The following USP11 variants were observed in gnomAD, a reference collection of about 807,000 sequenced individuals.
USP11 encodes the protein ubiquitin carboxyl-terminal hydrolase 11.
USP11 carries 5 observed loss-of-function variants against 72.8 expected under a neutral mutation model. The observed-to-expected ratio is 0.07, with a 90% CI of 0.04 to 0.14. The LOEUF (loss-of-function observed/expected upper bound fraction) is 0.14. Ranked by LOEUF, USP11 falls within the 10% of genes least tolerant of loss-of-function variation. The probability of loss-of-function intolerance (pLI) is 1.00; values close to 1 mark genes in which losing one functional copy is unlikely to be tolerated. For missense variants in USP11, 480 were observed against 794.7 expected, an observed-to-expected ratio of 0.60 and a Z score of 4.76; for synonymous variants, 368 against 326.5, an observed-to-expected ratio of 1.13 and a Z score of -1.37.
chrX:47,241,043 C>T, intron 7 of USP11, 167 bp downstream of exon 7: 3 of 568,083 alleles, frequency 5.3e-6, no homozygotes, highest in Non-Finnish European at 5.5e-6. Context: ...CCTGAACTAT[C>T]AGCCTCTTCT....
In USP11 at chrX:47,241,101, T is replaced by G. The variant is rs1432544398; in HGVS notation, c.847-176T>G. ...TCTTCTCTTCCCTGTTCCCACGTTCTTCCTTCTCGTGAAATCCTAATGCCT... is the reference window on the plus strand; with the variant it reads ...TCTTCTCTTCCCTGTTCCCACGTTCGTCCTTCTCGTGAAATCCTAATGCCT... On this transcript the variant is annotated intron_variant, in intron 7 of 20. Coordinates refer to ENST00000377107, the MANE Select transcript of USP11 (RefSeq NM_001371072.1). The G allele has an allele frequency of 8.7e-6, 5 of 571,833 alleles. No individual in the cohort carries two copies. The African/African-American group carries it at 1.2e-4, about 13-fold the overall frequency. The allele number at this position is 571,833 out of a possible 1,213,427, so 47.1% of individuals were successfully genotyped here. A position where few individuals can be genotyped will look rare whatever the true frequency, so the allele number is the denominator to read the frequency against.
Position 47,248,036 on chromosome X carries a change from G to C in USP11, c.*106G>C, listed in dbSNP as rs1020121445. 3.8e-6 allele frequency: 4 copies of C among 1,045,860 alleles called. No homozygotes were observed. In the African/African-American group the frequency reaches 7.8e-5, roughly 20 times the overall value. The allele number at this position is 1,045,860 out of a possible 1,213,427, so 86.2% of individuals were successfully genotyped here. On this transcript the variant is annotated 3_prime_UTR_variant, in exon 21 of 21. Coordinates refer to ENST00000377107, the MANE Select transcript of USP11 (RefSeq NM_001371072.1). ...TATTCGTGTTAGGTGCCCCCGCCAG[G>C]CATTGCAGGCTTAGTCGTGGCTACT...
At chrX:47,246,170 G>C (rs1417279597) in intron 17 of USP11, among the ~76,000 whole-genome samples, 1 of 112,377 alleles carries the variant, frequency 8.9e-6, no homozygotes, top group African/African-American at 3.2e-5. Flanking sequence ...CACTTGATGT[G>C]ATGTCCTGTA....
At position 47,241,593 on chromosome X, in the gene USP11, C is replaced by G. The variant is rs1169886175; in HGVS notation, c.1073C>G (p.Ser358Cys). ...SQFLGYQQHD[S>C]QELLSFLLDG... ...TTTCTGGGCTACCAGCAGCATGACT[C>G]TCAGGAGCTGCTGTCATTCCTCCTG... The change falls in exon 9 of 21, where the codon TCT (serine) becomes TGT (cysteine). Residue 358 changes from serine (S) to cysteine (C), a missense_variant. Physicochemically the swap from Ser to Cys is moderately radical, Grantham distance 112. This residue lies in a region of USP11 where 314 missense variants were observed against 556.0 expected (regional missense o/e 0.56). Coordinates refer to ENST00000377107, the MANE Select transcript of USP11 (RefSeq NM_001371072.1). The G allele has an allele frequency of 8.3e-7, 1 of 1,209,566 alleles. No homozygotes were observed. Among genetic ancestry groups the G allele is most frequent in the Non-Finnish European group, 1.1e-6 (1 of 894,543 alleles).
intron 13 of USP11, 23 bp downstream of exon 13, chrX:47,243,625 G>A: frequency 8.3e-7 from 1 of 1,202,469 alleles, no homozygotes; most frequent in Non-Finnish European, 1.1e-6. Flanking sequence ...TTCCCCGGGG[G>A]TGGGGGGCGG....
At chrX:47,247,539 G>A (rs2055441181) in intron 19 of USP11, 72 bp from the exon 20 acceptor site, 11 of 1,160,731 alleles carry the variant, frequency 9.5e-6, no homozygotes, top group Non-Finnish European at 1.3e-5. Flanking sequence ...GGTGGGAGGA[G>A]TGACAAGAGT....
chrX:47,241,716 T>A lies in USP11; in HGVS notation c.1179+17T>A. 1 of 1,172,987 alleles carries A rather than the reference T, an allele frequency of 8.5e-7. No homozygotes were observed. Among genetic ancestry groups the A allele is most frequent in the African/African-American group, 1.8e-5 (1 of 56,735 alleles). On this transcript the variant is annotated intron_variant, in intron 9 of 20. Coordinates refer to ENST00000377107, the MANE Select transcript of USP11 (RefSeq NM_001371072.1). ...CCGGATCAGGTAGGCTGCCCCCGCA[T>A]TTGCAGTCCAATTAACATCACCAAG...
At chrX:47,242,809 C>A in intron 12 of USP11, 89 bp downstream of exon 12, 1 of 725,570 alleles carries the variant, frequency 1.4e-6, no homozygotes, top group Non-Finnish European at 2.2e-6. Flanking sequence ...CTTCTCTCTT[C>A]CCTGCCTCTG....
At chrX:47,236,762 T>C (rs1441547351) in intron 1 of USP11, among the ~76,000 whole-genome samples, 1 of 112,382 alleles carries the variant, frequency 8.9e-6, no homozygotes, top group Admixed American at 9.5e-5. Context: ...TACCTGTATA[T>C]ACTGGCAGCA....
chrX:47,237,436 C>G (rs932969651), intron 1 of USP11, among the ~76,000 whole-genome samples: 1 of 111,084 alleles, frequency 9.0e-6, no homozygotes, highest in African/African-American at 3.3e-5. Context: ...ATTTGTCTGT[C>G]CCTCCATCCT....
intron 1 of USP11, among the ~76,000 whole-genome samples, chrX:47,238,036 AG>A (rs1216870472): frequency 9.0e-6 from 1 of 111,553 alleles, no homozygotes; most frequent in African/African-American, 3.3e-5. Flanking sequence ...AAAGAGAGCT[AG>A]TTGAACTGTA....
chrX:47,239,391 C>T lies in USP11; in HGVS notation c.327C>T (p.Gly109=). 1.7e-6 allele frequency: 2 copies of T among 1,211,297 alleles called. No individual in the cohort carries two copies. The highest frequency in any genetic ancestry group is 2.2e-6 in the Non-Finnish European group (2 of 895,344). The change falls in exon 3 of 21, where the codon GGC becomes GGT. Residue 109 remains glycine, a synonymous_variant. Transcript: ENST00000377107. ...NWRLKEGLVE[G]EDYVLLPAAA... Reference sequence around the variant, plus strand: ...GCCTCAAGGAGGGACTGGTGGAAGGCGAGGATTATGTGCTGCTCCCAGCAG... The same window carrying T: ...GCCTCAAGGAGGGACTGGTGGAAGGTGAGGATTATGTGCTGCTCCCAGCAG...
chrX:47,240,785 T>C lies in USP11; in HGVS notation c.755T>C (p.Met252Thr). The C allele has an allele frequency of 8.3e-7, 1 of 1,211,495 alleles. No homozygotes were observed. The highest frequency in any genetic ancestry group is 1.8e-5 in the South Asian group (1 of 56,963). The change falls in exon 7 of 21, where the codon ATG (methionine) becomes ACG (threonine). Residue 252 changes from methionine (M) to threonine (T), a missense_variant. By Grantham distance (81) the Met-to-Thr change is moderately conservative (BLOSUM62 -1). Coordinates refer to ENST00000377107, the MANE Select transcript of USP11 (RefSeq NM_001371072.1). The stretch of plus-strand genomic sequence containing the variant: ...TCATCTAACCCCAGGAACAACAACA[T>C]GTCGGAAGAGGATGAGGACTTCAAG... ...SAQLHVMNNNMSEEDEDFKGQ... is the reference protein window; with the variant it reads ...SAQLHVMNNNTSEEDEDFKGQ...
At chrX:47,233,753 G>T in intron 1 of USP11, 1 of 82,542 alleles carries the variant, frequency 1.2e-5, no homozygotes, top group Non-Finnish European at 2.8e-5. Context: ...GGTTAGGTTG[G>T]TGACGTGAGC....
chrX:47,247,758 C>T (rs779535089), intron 20 of USP11, 35 bp from the exon 21 acceptor site: 4 of 1,209,494 alleles, frequency 3.3e-6, no homozygotes, highest in Admixed American at 2.2e-5. Flanking sequence ...TCCCCACCCC[C>T]ACAATCCACA....
chrX:47,241,064 C>G, intron 7 of USP11, 188 bp downstream of exon 7: 7 of 552,244 alleles, frequency 1.3e-5, no homozygotes, highest in Non-Finnish European at 1.7e-5. Context: ...CTCAGCTTGC[C>G]CTCATTTTCC....
At chrX:47,245,536 A>T in intron 17 of USP11, 54 bp downstream of exon 17, 13 of 703,765 alleles carry the variant, frequency 1.8e-5, no homozygotes, top group Non-Finnish European at 2.3e-5. Context: ...TGGAACTACT[A>T]TATTTAGCTT....
rs1205026814 is a variant in USP11 at position 47,242,168 on chromosome X, G to A, written c.1266G>A (p.Thr422=). The A allele has an allele frequency of 1.7e-6, 2 of 1,210,005 alleles. No individual in the cohort carries two copies. Among genetic ancestry groups the A allele is most frequent in the East Asian group, 3.0e-5 (1 of 33,762 alleles). ...CTTTCCACGGCCTCTTCAAGTCCAC[G>A]CTGGTGTGCCCCGATTGTGGCAATG... is the stretch of plus-strand genomic sequence containing the variant. ...VDTFHGLFKS[T]LVCPDCGNVS... Residue 422 remains threonine (T), a synonymous_variant, in exon 10 of 21, where the codon ACG becomes ACA. Transcript: ENST00000377107.
intron 1 of USP11, chrX:47,233,480 C>T (rs1185273527): frequency 1.9e-5 from 19 of 1,007,878 alleles, no homozygotes; most frequent in Non-Finnish European, 2.4e-5. Flanking sequence ...AGTTTCGGTC[C>T]TGGAGGTGGG....
Sources: allele counts gnomAD v4.1 joint callset (sites outside exome capture counted in the v4.1 genomes callset), GRCh38; gene constraint gnomAD v4.1.1; regional missense constraint gnomAD v4.1.1; transcripts MANE v1.5; gene names NCBI Gene and HGNC (gene_info 2026-07-23, HGNC 2026-07-21).